Variants in PARN observed in about 807,000 individuals in gnomAD.
PARN encodes the protein poly(A)-specific ribonuclease.
In PARN, 71 loss-of-function variants were observed where a neutral mutation model predicts 102.8. The ratio of observed to expected loss-of-function variants is 0.69; its 90% CI spans 0.57 to 0.84. The LOEUF (loss-of-function observed/expected upper bound fraction) is 0.84. Ranked by LOEUF, PARN falls within the 40% of genes least tolerant of loss-of-function variation. PARN has a pLI of 0.00. For synonymous variants in PARN, 261 were observed against 252.9 expected, an observed-to-expected ratio of 1.03 and a Z score of -0.30; for missense variants, 782 against 760.9, an observed-to-expected ratio of 1.03 and a Z score of -0.33.
chr16:14,613,496 G>A (rs965461906), intron 6 of PARN, among the ~76,000 whole-genome samples: 6 of 151,994 alleles, frequency 3.9e-5, no homozygotes, highest in Non-Finnish European at 8.8e-5. Context: ...GGTGCCACGC[G>A]CCTATAGTCC....
chr16:14,551,556 G>C (rs972024006), intron 21 of PARN, among the ~76,000 whole-genome samples: 1 of 152,068 alleles, frequency 6.6e-6, no homozygotes, highest in Admixed American at 6.5e-5. Context: ...GCGACAGAGC[G>C]AGACTATGTC....
chr16:14,605,410 G>C (rs1971119521), intron 10 of PARN, among the ~76,000 whole-genome samples: 1 of 152,162 alleles, frequency 6.6e-6, no homozygotes, highest in South Asian at 2.1e-4. Context: ...AACAGACTGT[G>C]AGAATAAGAC....
chr16:14,515,166 G>T (rs1014571898), intron 21 of PARN, among the ~76,000 whole-genome samples: 1 of 152,086 alleles, frequency 6.6e-6, no homozygotes, highest in Non-Finnish European at 1.5e-5. Flanking sequence ...CCTTTGAGAT[G>T]GGATCTTGCT....
intron 21 of PARN, among the ~76,000 whole-genome samples, chr16:14,503,774 T>A (rs1964741880): frequency 6.6e-6 from 1 of 152,224 alleles, no homozygotes; most frequent in Non-Finnish European, 1.5e-5. Context: ...TCTGTTACCC[T>A]CACTTTATAC....
intron 23 of PARN, among the ~76,000 whole-genome samples, chr16:14,437,497 C>T (rs1440548211): frequency 6.6e-6 from 1 of 152,192 alleles, no homozygotes; most frequent in Non-Finnish European, 1.5e-5. Context: ...AAAGTTTCAC[C>T]CCAATGTCAG....
rs552666795 is a variant in PARN, at chr16:14,437,992, G to A, written c.1865-1220C>T. On this transcript the variant is annotated intron_variant, in intron 23 of 23. Coordinates refer to ENST00000437198, the MANE Select transcript of PARN (RefSeq NM_002582.4). The stretch of plus-strand genomic sequence containing the variant: ...TCCAGGGAGTTAGGGTGAGGAGACC[G>A]GGAAAGGGTAACCGGACTCTTTCTG... Among the ~76,000 whole-genome samples, 10 of 152,278 alleles carry A rather than the reference G, an allele frequency of 6.6e-5. No individual in the cohort carries two copies. The South Asian group carries it at 1.9e-3, about 28-fold the overall frequency.
At chr16:14,511,227 G>T (rs1189660131) in intron 21 of PARN, among the ~76,000 whole-genome samples, 2 of 152,190 alleles carry the variant, frequency 1.3e-5, no homozygotes, top group Non-Finnish European at 2.9e-5. Flanking sequence ...TCCATGAGTT[G>T]ACACAGGGTG....
At chr16:14,506,882 T>A (rs1465152951) in intron 21 of PARN, among the ~76,000 whole-genome samples, 1 of 150,934 alleles carries the variant, frequency 6.6e-6, no homozygotes, top group Non-Finnish European at 1.5e-5. Context: ...ATGCATGAGG[T>A]CTAACTCCAA....
Position 14,627,201 on chromosome 16 carries a change from A to T in PARN, c.246-14T>A, listed in dbSNP as rs1972727514. On this transcript the variant is annotated splice_polypyrimidine_tract_variant and intron_variant, in intron 4 of 23. Transcript: ENST00000437198. ...TTCGTTATATACCTGGGATAAGATA[A>T]AAGGAGACTTAGGAGGTGACATTGT... 1 of 1,585,698 alleles carries T rather than the reference A, an allele frequency of 6.3e-7. No homozygotes were observed. The highest frequency in any genetic ancestry group is 8.6e-7 in the Non-Finnish European group (1 of 1,158,138).
At chr16:14,516,818 G>C (rs1375738393) in intron 21 of PARN, among the ~76,000 whole-genome samples, 1 of 152,182 alleles carries the variant, frequency 6.6e-6, no homozygotes, top group African/African-American at 2.4e-5. Context: ...CTAAATGATG[G>C]TTATAAGCGT....
intron 9 of PARN, among the ~76,000 whole-genome samples, chr16:14,607,498 G>A (rs905545991): frequency 1.3e-5 from 2 of 152,142 alleles, no homozygotes; most frequent in African/African-American, 2.4e-5. Flanking sequence ...GTGAGCCACC[G>A]CGCCCGGCCT....
chr16:14,598,088 G>C (rs1209281156), intron 12 of PARN, among the ~76,000 whole-genome samples: 1 of 152,086 alleles, frequency 6.6e-6, no homozygotes, highest in East Asian at 1.9e-4. Flanking sequence ...AGGTTGTGGT[G>C]AGCCAGGATT....
At chr16:14,551,166 A>T (rs950210424) in intron 21 of PARN, among the ~76,000 whole-genome samples, 1 of 151,846 alleles carries the variant, frequency 6.6e-6, no homozygotes, top group Non-Finnish European at 1.5e-5. Context: ...TCCTGACCTC[A>T]GATGATCCGC....
intron 21 of PARN, among the ~76,000 whole-genome samples, chr16:14,520,122 G>C (rs145668853): frequency 6.6e-6 from 1 of 152,192 alleles, no homozygotes. Flanking sequence ...AACAACATGA[G>C]AGGTGGGGAG....
intron 22 of PARN, among the ~76,000 whole-genome samples, chr16:14,467,282 GA>G (rs1399810820): frequency 2.0e-5 from 3 of 152,148 alleles, no homozygotes; most frequent in African/African-American, 7.2e-5. Flanking sequence ...GGGCCCACCT[GA>G]TAGGCTGCTC....
chr16:14,489,317 C>CGCTGTAATCCCA (rs1567316387), intron 21 of PARN, among the ~76,000 whole-genome samples: 3 of 151,868 alleles, frequency 2.0e-5, no homozygotes, highest in African/African-American at 7.3e-5. Flanking sequence ...ATTTCTAGCA[C>CGCTGTAATCCCA]GCCTGTAATC....
chr16:14,575,424 G>A (rs1041591225), intron 18 of PARN, among the ~76,000 whole-genome samples: 17 of 152,360 alleles, frequency 1.1e-4, no homozygotes, highest in African/African-American at 2.9e-4. Context: ...TAATCTGAAC[G>A]TGAGACATGG....
Position 14,443,150 on chromosome 16 carries a change from T to C in PARN, c.1864+3738A>G, listed in dbSNP as rs564678589. 9.8e-5 allele frequency among the ~76,000 whole-genome samples: 15 copies of C among 152,322 alleles called. 1 individual carries two copies. The South Asian group carries it at 2.9e-3, about 29-fold the overall frequency. ...TAGACAAGACAATAAAGGATGTTCC[T>C]AGCACTCTGTCTAATAGTATAAACC... On this transcript the variant is annotated intron_variant, in intron 23 of 23. Coordinates refer to ENST00000437198, the MANE Select transcript of PARN (RefSeq NM_002582.4).
chr16:14,548,701 T>C (rs1967113927), intron 21 of PARN, among the ~76,000 whole-genome samples: 1 of 152,140 alleles, frequency 6.6e-6, no homozygotes, highest in African/African-American at 2.4e-5. Context: ...ATGCCTATAA[T>C]CCCAGAACTT....
Sources: allele counts gnomAD v4.1 joint callset (sites outside exome capture counted in the v4.1 genomes callset), GRCh38; gene constraint gnomAD v4.1.1; transcripts MANE v1.5; gene names NCBI Gene and HGNC (gene_info 2026-07-23, HGNC 2026-07-21).